Variants in CLSTN2 observed in about 807,000 individuals in gnomAD.
The protein encoded by CLSTN2 is calsyntenin 2, also known as calsyntenin-2.
In CLSTN2, 48 loss-of-function variants were observed where a neutral mutation model predicts 101.2. The observed-to-expected ratio is 0.47, with a 90% CI of 0.38 to 0.60. The LOEUF is 0.60. CLSTN2 is among the 20% of genes least tolerant of loss of function. The pLI is 0.00. For missense variants in CLSTN2, 1,160 were observed against 1,238.2 expected (o/e 0.94, Z 0.95); for synonymous variants, 481 against 463.6 (o/e 1.04, Z -0.48).
chr3:140,276,551 A>T (rs999481824), intron 2 of CLSTN2, among the ~76,000 whole-genome samples: 1 of 152,200 alleles, frequency 6.6e-6, no homozygotes, highest in Non-Finnish European at 1.5e-5. Context: ...GCTCCCACAC[A>T]GGAGAACACA....
intron 2 of CLSTN2, among the ~76,000 whole-genome samples, chr3:140,257,527 C>A (rs146848591): frequency 1.3e-3 from 199 of 151,260 alleles, no homozygotes; most frequent in African/African-American, 4.6e-3. Flanking sequence ...GAGCAGTAAG[C>A]ACTGTTAGTA....
At chr3:139,966,646 T>C (rs1315651419) in intron 1 of CLSTN2, among the ~76,000 whole-genome samples, 1 of 152,234 alleles carries the variant, frequency 6.6e-6, no homozygotes, top group Non-Finnish European at 1.5e-5. Flanking sequence ...CTTTGGAGCA[T>C]GAATAATACT....
At chr3:139,997,981 G>C (rs1229922302) in intron 1 of CLSTN2, among the ~76,000 whole-genome samples, 4 of 152,166 alleles carry the variant, frequency 2.6e-5, no homozygotes, top group East Asian at 3.9e-4. Context: ...CACATGTTTA[G>C]ACTAGTGCCA....
chr3:140,287,501 T>C (rs1190846876), intron 2 of CLSTN2, among the ~76,000 whole-genome samples: 2 of 152,212 alleles, frequency 1.3e-5, no homozygotes, highest in Non-Finnish European at 2.9e-5. Flanking sequence ...CAAAAATGTA[T>C]ACTTTAAATA....
chr3:140,126,501 T>C (rs972813265), intron 1 of CLSTN2, among the ~76,000 whole-genome samples: 1 of 152,074 alleles, frequency 6.6e-6, no homozygotes, highest in African/African-American at 2.4e-5. Flanking sequence ...AGGTTTCCCT[T>C]AGAATGTGAA....
At chr3:140,344,136 G>A (rs1409662318) in intron 2 of CLSTN2, among the ~76,000 whole-genome samples, 3 of 152,122 alleles carry the variant, frequency 2.0e-5, no homozygotes, top group Non-Finnish European at 2.9e-5. Context: ...ACAAGCTACC[G>A]CAGCGTTCAC....
intron 2 of CLSTN2, among the ~76,000 whole-genome samples, chr3:140,181,512 T>C (rs1416475945): frequency 6.6e-6 from 1 of 152,190 alleles, no homozygotes; most frequent in Non-Finnish European, 1.5e-5. Context: ...TTGCCTAGAT[T>C]GTTGGGTAGT....
Position 140,521,236 on chromosome 3 carries a change from G to A in CLSTN2, c.1345-11088G>A, listed in dbSNP as rs561487418. On this transcript the variant is annotated intron_variant, in intron 8 of 16. Coordinates refer to ENST00000458420, the MANE Select transcript of CLSTN2 (RefSeq NM_022131.3). Reference sequence around the variant, plus strand: ...CACTCTGACTTTTTGAGTTTTCAGCGTTTTTGCATTTATTCGTTCTCATCT... The same window carrying A: ...CACTCTGACTTTTTGAGTTTTCAGCATTTTTGCATTTATTCGTTCTCATCT... Among the ~76,000 whole-genome samples, 19 of 152,150 alleles carry A rather than the reference G, an allele frequency of 1.2e-4. No homozygotes were observed. The South Asian group carries it at 3.7e-3, about 30-fold the overall frequency.
At chr3:140,410,563 T>C (rs1227881945) in intron 4 of CLSTN2, among the ~76,000 whole-genome samples, 1 of 150,244 alleles carries the variant, frequency 6.7e-6, no homozygotes, top group African/African-American at 2.4e-5. Flanking sequence ...ATAAGGGGAG[T>C]TTTTCAAGCT....
At chr3:140,328,955 G>A (rs763685872) in intron 2 of CLSTN2, among the ~76,000 whole-genome samples, 14 of 152,154 alleles carry the variant, frequency 9.2e-5, no homozygotes, top group Non-Finnish European at 1.8e-4. Flanking sequence ...CAAAAGCACT[G>A]AACTCAGAGT....
At chr3:140,487,928 G>C (rs895916853) in intron 8 of CLSTN2, among the ~76,000 whole-genome samples, 1 of 152,218 alleles carries the variant, frequency 6.6e-6, no homozygotes, top group African/African-American at 2.4e-5. Context: ...CCACAATAGG[G>C]TTATAAATAT....
At chr3:140,548,498 G>T (rs770786015) in intron 10 of CLSTN2, among the ~76,000 whole-genome samples, 1 of 152,172 alleles carries the variant, frequency 6.6e-6, no homozygotes, top group Non-Finnish European at 1.5e-5. Context: ...GGCAGTCAGG[G>T]AAGCCTCCTT....
At chr3:140,049,549 G>T (rs1345977628) in intron 1 of CLSTN2, among the ~76,000 whole-genome samples, 1 of 152,168 alleles carries the variant, frequency 6.6e-6, no homozygotes, top group Non-Finnish European at 1.5e-5. Flanking sequence ...TACTGGGGCT[G>T]ACACACATGA....
At chr3:139,998,336 C>CTGTTTTTT (rs2006730058) in intron 1 of CLSTN2, among the ~76,000 whole-genome samples, 1 of 66,814 alleles carries the variant, frequency 1.5e-5, no homozygotes, top group Admixed American at 2.3e-4. Flanking sequence ...CCCCACATGC[C>CTGTTTTTT]TTTTTTTTTT....
chr3:140,257,561 G>GTGTGT (rs1553726036), intron 2 of CLSTN2, among the ~76,000 whole-genome samples: 19 of 93,060 alleles, frequency 2.0e-4, no homozygotes, highest in African/African-American at 7.4e-4. Context: ...TCTTTCTAGG[G>GTGTGT]GTGTGTGTGT....
rs1301947031 is a variant in CLSTN2, at chr3:140,567,871, G to C, written c.*1618G>C. The C allele has an allele frequency of 6.6e-6, 1 of 152,234 alleles. No homozygotes were observed. Among genetic ancestry groups the C allele is most frequent in the Non-Finnish European group, 1.5e-5 (1 of 68,050 alleles). The allele number at this position is 152,234 out of a possible 1,614,324, so 9.4% of individuals were successfully genotyped here. A position where few individuals can be genotyped will look rare whatever the true frequency, so the allele number is the denominator to read the frequency against. ...AGGGGACTACTGCCAATGTCCTCTA[G>C]TCTGACCTCCACCCAGGGAGGACCC... On this transcript the variant is annotated 3_prime_UTR_variant, in exon 17 of 17. Coordinates refer to ENST00000458420, the MANE Select transcript of CLSTN2 (RefSeq NM_022131.3).
chr3:140,345,541 C>A (rs746153626), intron 2 of CLSTN2, among the ~76,000 whole-genome samples: 1 of 151,302 alleles, frequency 6.6e-6, no homozygotes, highest in Non-Finnish European at 1.5e-5. Flanking sequence ...TGAGCCACCG[C>A]GCCCGGCCGG....
intron 2 of CLSTN2, among the ~76,000 whole-genome samples, chr3:140,306,623 T>A (rs2087116138): frequency 6.6e-6 from 1 of 152,168 alleles, no homozygotes; most frequent in Admixed American, 6.5e-5. Flanking sequence ...TTGCTCTTTG[T>A]CCTACTCTTC....
chr3:140,323,152 G>A (rs1166271793), intron 2 of CLSTN2, among the ~76,000 whole-genome samples: 1 of 152,168 alleles, frequency 6.6e-6, no homozygotes, highest in Admixed American at 6.5e-5. Flanking sequence ...CCTTGAGCAG[G>A]CCTCCCCAGC....
Sources: allele counts gnomAD v4.1 joint callset (sites outside exome capture counted in the v4.1 genomes callset), GRCh38; gene constraint gnomAD v4.1.1; transcripts MANE v1.5; gene names NCBI Gene and HGNC (gene_info 2026-07-23, HGNC 2026-07-21).